The following NDUFS1 variants were observed in gnomAD, a reference collection of about 807,000 sequenced individuals.
The protein encoded by NDUFS1 is NADH:ubiquinone oxidoreductase core subunit S1, also known as NADH-ubiquinone oxidoreductase 75 kDa subunit, mitochondrial.
A neutral mutation model predicts 84.4 loss-of-function variants in NDUFS1; 61 were observed. The observed-to-expected ratio is 0.72, with a 90% CI of 0.59 to 0.89. The LOEUF is 0.89. Among genes scored for constraint, NDUFS1 ranks in the 40% least tolerant of loss-of-function variants. The pLI is 0.00. For synonymous variants in NDUFS1, 275 were observed against 290.0 expected, an observed-to-expected ratio of 0.95 and a Z score of 0.53; for missense variants, 891 against 890.0, an observed-to-expected ratio of 1.00 and a Z score of -0.01.
In NDUFS1 at chr2:206,123,838, T is replaced by A; in HGVS notation, c.*347A>T. 1 of 195,176 alleles carries A rather than the reference T, an allele frequency of 5.1e-6. No homozygotes were observed. The highest frequency in any genetic ancestry group is 1.0e-5 in the Non-Finnish European group (1 of 96,250). The allele number at this position is 195,176 out of a possible 1,614,324, so 12.1% of individuals were successfully genotyped here. Reference sequence around the variant, plus strand: ...TTCTTTAGCACTAGAAAAAAGTAGGTTTTAATTGAACCTCTTTTCATTTCA... The same window carrying A: ...TTCTTTAGCACTAGAAAAAAGTAGGATTTAATTGAACCTCTTTTCATTTCA... On this transcript the variant is annotated 3_prime_UTR_variant, in exon 19 of 19. Coordinates refer to ENST00000233190, the MANE Select transcript of NDUFS1 (RefSeq NM_005006.7).
intron 1 of NDUFS1, among the ~76,000 whole-genome samples, chr2:206,157,522 A>G (rs1265165770): frequency 6.6e-6 from 1 of 152,238 alleles, no homozygotes; most frequent in Non-Finnish European, 1.5e-5. Context: ...TACTGATGGC[A>G]TAAATATAAA....
At position 206,158,981 on chromosome 2, in the gene NDUFS1, T is replaced by C. The variant is rs577686903; in HGVS notation, c.-5+360A>G. 89 of 1,149,628 alleles carry C rather than the reference T, an allele frequency of 7.7e-5. No individual in the cohort carries two copies. In the South Asian group the frequency reaches 9.7e-4, roughly 13 times the overall value. The allele number at this position is 1,149,628 out of a possible 1,614,324, so 71.2% of individuals were successfully genotyped here. On this transcript the variant is annotated intron_variant, in intron 1 of 18. Coordinates refer to ENST00000233190, the MANE Select transcript of NDUFS1 (RefSeq NM_005006.7). ...AAAATCTGGGGGGAAAGGCTTAGTC[T>C]TAAGGCCTAAGTCATCGGACACTGG...
chr2:206,144,015 T>C lies in NDUFS1; in HGVS notation c.987+3A>G, dbSNP rs1692064167. 5 of 1,596,780 alleles carry C rather than the reference T, an allele frequency of 3.1e-6. No individual in the cohort carries two copies. Among genetic ancestry groups the C allele is most frequent in the Non-Finnish European group, 3.4e-6 (4 of 1,164,406 alleles). On this transcript the variant is annotated splice_donor_region_variant and intron_variant, in intron 10 of 18. Transcript: ENST00000233190. The stretch of plus-strand genomic sequence containing the variant: ...ATTTAACACTATTTATTTCAAATTT[T>C]ACCATTCCAGCTACGCGAGAGAGCG...
rs1690901784 is a variant in NDUFS1 at position 206,114,848 on chromosome 2, G to C, written c.*9337C>G. ...CAATTAAGTTTTTATTGTATCTGCTGAGATACTTTCCATACACACGTAAGC... is the reference window on the plus strand; with the variant it reads ...CAATTAAGTTTTTATTGTATCTGCTCAGATACTTTCCATACACACGTAAGC... On this transcript the variant is annotated 3_prime_UTR_variant, in exon 19 of 19. Coordinates refer to ENST00000233190, the MANE Select transcript of NDUFS1 (RefSeq NM_005006.7). 1 of 152,136 alleles carries C rather than the reference G, an allele frequency of 6.6e-6. No homozygotes were observed. Among genetic ancestry groups the C allele is most frequent in the African/African-American group, 2.4e-5 (1 of 41,424 alleles). The allele number at this position is 152,136 out of a possible 1,614,324, so 9.4% of individuals were successfully genotyped here. A position where few individuals can be genotyped will look rare whatever the true frequency, so the allele number is the denominator to read the frequency against.
At chr2:206,137,009 T>C (rs1691743221) in intron 13 of NDUFS1, among the ~76,000 whole-genome samples, 2 of 151,734 alleles carry the variant, frequency 1.3e-5, no homozygotes, top group African/African-American at 4.8e-5. Context: ...CACCTCAGCC[T>C]CCCAAAGTGC....
intron 13 of NDUFS1, among the ~76,000 whole-genome samples, chr2:206,137,936 T>C (rs1324602019): frequency 6.6e-6 from 1 of 152,232 alleles, no homozygotes; most frequent in Non-Finnish European, 1.5e-5. Context: ...AAACTGCATG[T>C]ACAGTATGAT....
At chr2:206,129,118 T>A (rs2105947136) in intron 15 of NDUFS1, among the ~76,000 whole-genome samples, 1 of 152,308 alleles carries the variant, frequency 6.6e-6, no homozygotes, top group African/African-American at 2.4e-5. Flanking sequence ...GAATCAAGTG[T>A]AAGAAAATCG....
At chr2:206,127,660 T>G (rs1037684252) in intron 16 of NDUFS1, 137 bp downstream of exon 16, 6 of 936,690 alleles carry the variant, frequency 6.4e-6, no homozygotes, top group East Asian at 5.1e-5. Flanking sequence ...TCTGAATACA[T>G]GTTTTCTATA....
intron 15 of NDUFS1, among the ~76,000 whole-genome samples, chr2:206,128,677 G>A (rs912101904): frequency 4.0e-5 from 6 of 151,704 alleles, no homozygotes; most frequent in Non-Finnish European, 7.4e-5. Flanking sequence ...CTACTCAAGA[G>A]GGCTGAGGCA....
intron 12 of NDUFS1, 38 bp downstream of exon 12, chr2:206,141,903 T>A: frequency 1.3e-6 from 2 of 1,559,540 alleles, no homozygotes; most frequent in South Asian, 1.1e-5. Context: ...AAAAATTACA[T>A]AAATATTTTT....
Position 206,142,697 on chromosome 2 carries a change from AGTGGGG to A in NDUFS1, c.1116_1121del (p.Pro373_Thr374del), listed in dbSNP as rs749534108. 1 of 1,614,236 alleles carries A rather than the reference AGTGGGG, an allele frequency of 6.2e-7. No individual in the cohort carries two copies. Among genetic ancestry groups the A allele is most frequent in the South Asian group, 1.1e-5 (1 of 91,082 alleles). ...TTCATATTTCTCACCCAGCTCCTGC[AGTGGGG>A]AAGACCTCTTCAGTGCATAAGGTGT... On this transcript the variant is annotated inframe_deletion, in exon 11 of 19. Coordinates refer to ENST00000233190, the MANE Select transcript of NDUFS1 (RefSeq NM_005006.7).
intron 5 of NDUFS1, 94 bp downstream of exon 5, chr2:206,148,926 A>G: frequency 1.1e-6 from 1 of 912,894 alleles, no homozygotes; most frequent in Admixed American, 1.8e-5. Context: ...TCCGAGTTTG[A>G]TATTAAATTC....
At chr2:206,130,673 C>G (rs533953230) in intron 14 of NDUFS1, among the ~76,000 whole-genome samples, 49 of 152,152 alleles carry the variant, frequency 3.2e-4, no homozygotes, top group African/African-American at 1.1e-3. Flanking sequence ...CCATTCTTAC[C>G]CATTTAAAAT....
At position 206,142,027 on chromosome 2, in the gene NDUFS1, A is replaced by G. The variant is rs1691981730; in HGVS notation, c.1176T>C (p.Ala392=). 5.0e-6 allele frequency: 8 copies of G among 1,606,676 alleles called. No homozygotes were observed. The highest frequency in any genetic ancestry group is 6.8e-6 in the Non-Finnish European group (8 of 1,173,210). ...GAACAACATCTGCCTCTTCCACACCAGCAATTGTAGTATTAAGAAGATAAT... is the reference window on the plus strand; with the variant it reads ...GAACAACATCTGCCTCTTCCACACCGGCAATTGTAGTATTAAGAAGATAAT... The part of the protein sequence containing the change: ...RSNYLLNTTI[A]GVEEADVVLL... Residue 392 remains alanine, a synonymous_variant, in exon 12 of 19, where the codon GCT becomes GCC. Coordinates refer to ENST00000233190, the MANE Select transcript of NDUFS1 (RefSeq NM_005006.7).
chr2:206,149,685 A>G, intron 4 of NDUFS1, 133 bp downstream of exon 4: 1 of 703,224 alleles, frequency 1.4e-6, no homozygotes. Context: ...ATTGTACAAA[A>G]GAATTAAATT....
rs1416029964 is a variant in NDUFS1 at position 206,130,146 on chromosome 2, T to C, written c.1650A>G (p.Ala550=). The C allele has an allele frequency of 2.5e-6, 4 of 1,614,204 alleles. No individual in the cohort carries two copies. The Admixed American group carries it at 5.0e-5, about 20-fold the overall frequency. Reference sequence around the variant, plus strand: ...CCTGTCGTGTGATACAACCTCCATCTGCTCCCAGGAGAAACAGCACCTTGG... The same window carrying C: ...CCTGTCGTGTGATACAACCTCCATCCGCTCCCAGGAGAAACAGCACCTTGG... ...NPPKVLFLLG[A]DGGCITRQDL... The change falls in exon 15 of 19, where the codon GCA becomes GCG. Residue 550 remains alanine (A), a synonymous_variant. Transcript: ENST00000233190.
chr2:206,155,150 G>A lies in NDUFS1; in HGVS notation c.-4-1468C>T, dbSNP rs146993797. ...TATTTATTTATTGAGACGGAGTCCCGCTCTGTTGCCCAGGCTGGAGTGCTG... is the reference window on the plus strand; with the variant it reads ...TATTTATTTATTGAGACGGAGTCCCACTCTGTTGCCCAGGCTGGAGTGCTG... On this transcript the variant is annotated intron_variant, in intron 1 of 18. Coordinates refer to ENST00000233190, the MANE Select transcript of NDUFS1 (RefSeq NM_005006.7). 9.1e-4 allele frequency among the ~76,000 whole-genome samples: 138 copies of A among 150,850 alleles called. 1 individual carries two copies. The highest frequency in any genetic ancestry group is 3.2e-3 in the African/African-American group (130 of 41,036).
In NDUFS1 at chr2:206,131,820, T is replaced by A. The variant is rs558155040; in HGVS notation, c.1553+1125A>T. 3.9e-5 allele frequency among the ~76,000 whole-genome samples: 6 copies of A among 152,174 alleles called. No homozygotes were observed. In the East Asian group the frequency reaches 1.2e-3, roughly 29 times the overall value. On this transcript the variant is annotated intron_variant, in intron 14 of 18. Coordinates refer to ENST00000233190, the MANE Select transcript of NDUFS1 (RefSeq NM_005006.7). The stretch of plus-strand genomic sequence containing the variant: ...CTGGCATAGTGGCACGCGCCTGTAG[T>A]CCCAGCTACTCAGGAGGCTGAGGCA...
chr2:206,148,963 A>T, intron 5 of NDUFS1, 57 bp downstream of exon 5: 6 of 1,337,988 alleles, frequency 4.5e-6, no homozygotes, highest in Non-Finnish European at 6.4e-6. Context: ...TCTAAATACC[A>T]AAATGTGCAA....
Sources: allele counts gnomAD v4.1 joint callset (sites outside exome capture counted in the v4.1 genomes callset), GRCh38; gene constraint gnomAD v4.1.1; transcripts MANE v1.5; gene names NCBI Gene and HGNC (gene_info 2026-07-23, HGNC 2026-07-21).